SNX6: variants seen among roughly 807,000 people sequenced by gnomAD.
SNX6 encodes sorting nexin 6.
A neutral mutation model predicts 63.0 loss-of-function variants in SNX6; 34 were observed. The ratio of observed to expected loss-of-function variants is 0.54; its 90% CI spans 0.41 to 0.72. SNX6 has a LOEUF of 0.72. Ranked by LOEUF, SNX6 falls within the 30% of genes least tolerant of loss-of-function variation. The probability of loss-of-function intolerance (pLI) is 0.00; values close to 1 mark genes in which losing one functional copy is unlikely to be tolerated. For missense variants in SNX6, 398 were observed against 471.4 expected (o/e 0.84, Z 1.44); for synonymous variants, 170 against 164.2 (o/e 1.04, Z -0.27).
chr14:34,606,113 G>A (rs1305824725), intron 4 of SNX6, among the ~76,000 whole-genome samples: 4 of 151,470 alleles, frequency 2.6e-5, no homozygotes, highest in African/African-American at 9.7e-5. Flanking sequence ...GTCGGAGGTT[G>A]CAGTGAGCCA....
chr14:34,576,446 A>G (rs1422234671), intron 10 of SNX6, among the ~76,000 whole-genome samples: 3 of 12,876 alleles, frequency 2.3e-4, no homozygotes, highest in East Asian at 0.011. Context: ...ATATATATAT[A>G]TATATATTTT....
At position 34,567,726 on chromosome 14, in the gene SNX6, T is replaced by C. The variant is rs776322454; in HGVS notation, c.1127A>G (p.Asn376Ser). The C allele has an allele frequency of 6.2e-7, 1 of 1,613,924 alleles. No homozygotes were observed. Among genetic ancestry groups the C allele is most frequent in the Non-Finnish European group, 8.5e-7 (1 of 1,179,862 alleles). Reference protein sequence around the residue: ...KTRRVAAFRKNLVELAELELK... With the variant: ...KTRRVAAFRKSLVELAELELK... ...TTCTAACTCTGCCAGTTCCACTAAA[T>C]TTTTTCTGAATGCAGCAACTCTTCT... Residue 376 changes from asparagine (N) to serine (S), a missense_variant, in exon 13 of 14, where the codon AAT becomes AGT. Physicochemically the swap from Asn to Ser is conservative, Grantham distance 46 (BLOSUM62 1). Coordinates refer to ENST00000362031, the MANE Select transcript of SNX6 (RefSeq NM_152233.4).
At chr14:34,591,896 T>C (rs531436590) in intron 8 of SNX6, among the ~76,000 whole-genome samples, 2 of 152,260 alleles carry the variant, frequency 1.3e-5, no homozygotes, top group South Asian at 2.1e-4. Context: ...ACGAAAAAAT[T>C]AGCTAGTTCA....
intron 10 of SNX6, among the ~76,000 whole-genome samples, chr14:34,580,364 A>G (rs1204347699): frequency 6.6e-6 from 1 of 152,116 alleles, no homozygotes; most frequent in African/African-American, 2.4e-5. Context: ...GTACACTGGC[A>G]CAATCATAAC....
At chr14:34,573,217 A>G (rs1246669683) in intron 11 of SNX6, among the ~76,000 whole-genome samples, 1 of 151,954 alleles carries the variant, frequency 6.6e-6, no homozygotes, top group Non-Finnish European at 1.5e-5. Flanking sequence ...GCCTCATGTG[A>G]TTTTCCCACA....
intron 2 of SNX6, among the ~76,000 whole-genome samples, chr14:34,615,301 C>T (rs1416135826): frequency 1.3e-5 from 2 of 152,112 alleles, no homozygotes; most frequent in African/African-American, 2.4e-5. Flanking sequence ...ATATAGGCCA[C>T]CTACCATACT....
intron 2 of SNX6, among the ~76,000 whole-genome samples, chr14:34,623,912 C>G (rs1028252601): frequency 2.6e-5 from 4 of 152,036 alleles, no homozygotes; most frequent in Non-Finnish European, 5.9e-5. Context: ...TCTTATTTAA[C>G]AAGCACATCA....
chr14:34,576,964 C>T (rs1410969796), intron 10 of SNX6, among the ~76,000 whole-genome samples: 1 of 151,786 alleles, frequency 6.6e-6, no homozygotes, highest in African/African-American at 2.4e-5. Flanking sequence ...TGCCTGTAAT[C>T]CCAGCTACTC....
chr14:34,574,619 C>CAAAA (rs33959613), intron 11 of SNX6, among the ~76,000 whole-genome samples: 562 of 77,638 alleles, frequency 7.2e-3, no homozygotes, highest in Non-Finnish European at 9.2e-3. Context: ...GACTCCATCT[C>CAAAA]AAAAAAAAAA....
chr14:34,590,943 G>A (rs1005771516), intron 8 of SNX6, among the ~76,000 whole-genome samples: 3 of 152,106 alleles, frequency 2.0e-5, no homozygotes, highest in African/African-American at 7.2e-5. Context: ...TCTCAAAATA[G>A]TTTTTTGAGT....
intron 2 of SNX6, among the ~76,000 whole-genome samples, chr14:34,627,315 C>T (rs1404019698): frequency 2.0e-5 from 3 of 152,106 alleles, no homozygotes; most frequent in African/African-American, 7.2e-5. Flanking sequence ...GGTGCGGTGG[C>T]GGGCGCCTGT....
intron 2 of SNX6, among the ~76,000 whole-genome samples, chr14:34,622,071 G>A (rs1883643867): frequency 6.9e-6 from 1 of 145,742 alleles, no homozygotes; most frequent in South Asian, 2.1e-4. Flanking sequence ...CGATTCTCCT[G>A]CCTCAGTTTC....
intron 2 of SNX6, among the ~76,000 whole-genome samples, chr14:34,625,646 A>G (rs936491266): frequency 4.6e-5 from 7 of 152,080 alleles, no homozygotes; most frequent in Admixed American, 1.3e-4. Flanking sequence ...GAGACAGGAG[A>G]ATCACCTTAA....
chr14:34,567,820 C>T, intron 12 of SNX6, 34 bp downstream of exon 12: 1 of 1,612,754 alleles, frequency 6.2e-7, no homozygotes, highest in Non-Finnish European at 8.5e-7. Context: ...AGTCATAAAG[C>T]ATATCTTGTG....
intron 2 of SNX6, 60 bp downstream of exon 2, chr14:34,629,847 G>C: frequency 1.3e-6 from 2 of 1,547,858 alleles, no homozygotes; most frequent in African/African-American, 1.4e-5. Context: ...CCACACCCGG[G>C]GACCCAGGAT....
intron 8 of SNX6, among the ~76,000 whole-genome samples, chr14:34,588,535 G>A (rs908009341): frequency 1.3e-5 from 2 of 152,130 alleles, no homozygotes; most frequent in Non-Finnish European, 2.9e-5. Flanking sequence ...ACAGGTTTGA[G>A]TCACTGTCTC....
Position 34,630,142 on chromosome 14 carries a change from C to T in SNX6, c.-26G>A. 1 of 1,306,972 alleles carries T rather than the reference C, an allele frequency of 7.7e-7. No individual in the cohort carries two copies. The highest frequency in any genetic ancestry group is 9.7e-7 in the Non-Finnish European group (1 of 1,033,228). The allele number at this position is 1,306,972 out of a possible 1,614,324, so 81.0% of individuals were successfully genotyped here. A position where few individuals can be genotyped will look rare whatever the true frequency, so the allele number is the denominator to read the frequency against. ...GGCTGCTCCGAGGCGAGGGCCGGCG[C>T]AGGCGCGCATCTCCCTGCTGCCGGA... On this transcript the variant is annotated 5_prime_UTR_variant, in exon 1 of 14. Transcript: ENST00000362031.
chr14:34,565,843 C>T (rs1365634419), intron 13 of SNX6, among the ~76,000 whole-genome samples: 4 of 152,158 alleles, frequency 2.6e-5, no homozygotes, highest in African/African-American at 9.7e-5. Flanking sequence ...GCGCCCGCCA[C>T]CATGCCTGGT....
At chr14:34,574,619 C>CAAAAA (rs33959613) in intron 11 of SNX6, among the ~76,000 whole-genome samples, 56 of 79,314 alleles carry the variant, frequency 7.1e-4, no homozygotes, top group Non-Finnish European at 9.6e-4. Context: ...GACTCCATCT[C>CAAAAA]AAAAAAAAAA....
Sources: gnomAD v4.1 joint callset for allele counts (sites outside exome capture counted in the v4.1 genomes callset) on GRCh38, gnomAD v4.1.1 for gene constraint, MANE v1.5 for transcripts, NCBI Gene and HGNC (gene_info 2026-07-23, HGNC 2026-07-21) for gene names.